Variants in KLHDC10 observed in about 807,000 individuals in gnomAD.
KLHDC10 encodes kelch domain containing 10, also known as kelch domain-containing protein 10.
Under a neutral mutation model 56.1 loss-of-function variants are expected in KLHDC10, and 24 were observed. The observed-to-expected ratio is 0.43, with a 90% CI of 0.31 to 0.60. The LOEUF (loss-of-function observed/expected upper bound fraction) is 0.60. KLHDC10 is among the 20% of genes least tolerant of loss of function. KLHDC10 has a pLI of 0.11. For missense variants in KLHDC10, 349 were observed against 567.0 expected (o/e 0.62, Z 3.91); for synonymous variants, 188 against 207.1 (o/e 0.91, Z 0.79).
rs973275239 is a variant in KLHDC10 at position 130,116,970 on chromosome 7, C to A, written c.475+304C>A. 6.6e-6 allele frequency among the ~76,000 whole-genome samples: 1 copy of A among 152,102 alleles called. No homozygotes were observed. Among genetic ancestry groups the A allele is most frequent in the African/African-American group, 2.4e-5 (1 of 41,418 alleles). Reference sequence around the variant, plus strand: ...GAAGGTCAACAAATGGGGCTTATGACGATGACAGTTAATAGCTGTTGAGCA... The same window carrying A: ...GAAGGTCAACAAATGGGGCTTATGAAGATGACAGTTAATAGCTGTTGAGCA... On this transcript the variant is annotated intron_variant, in intron 3 of 9. Transcript: ENST00000335420. The surrounding 1 kb of genome is among the most constrained non-coding windows in gnomAD (Gnocchi z 4.8).
chr7:130,123,293 C>A (rs1162123751), intron 5 of KLHDC10, among the ~76,000 whole-genome samples: 2 of 151,968 alleles, frequency 1.3e-5, no homozygotes, highest in Non-Finnish European at 2.9e-5. Context: ...ATGGTGAAAC[C>A]CTGTCTCTGC....
Position 130,134,929 on chromosome 7 carries a change from G to A in KLHDC10, c.*4183G>A, listed in dbSNP as rs1563109691. 1 of 152,066 alleles carries A rather than the reference G, an allele frequency of 6.6e-6. No individual in the cohort carries two copies. The highest frequency in any genetic ancestry group is 2.4e-5 in the African/African-American group (1 of 41,404). The allele number at this position is 152,066 out of a possible 1,614,324, so 9.4% of individuals were successfully genotyped here. A position where few individuals can be genotyped will look rare whatever the true frequency, so the allele number is the denominator to read the frequency against. On this transcript the variant is annotated 3_prime_UTR_variant, in exon 10 of 10. Transcript: ENST00000335420. ...TCATAGAGTTCTAGGACTTCCGTGTGCGTTGCCACCAGATCCTGCCCAGCA... is the reference window on the plus strand; with the variant it reads ...TCATAGAGTTCTAGGACTTCCGTGTACGTTGCCACCAGATCCTGCCCAGCA...
chr7:130,132,055 GTTTGA>G lies in KLHDC10; in HGVS notation c.*1314_*1318del, dbSNP rs1481237440. 1 of 151,008 alleles carries G rather than the reference GTTTGA, an allele frequency of 6.6e-6. No homozygotes were observed. The highest frequency in any genetic ancestry group is 1.9e-4 in the East Asian group (1 of 5,180). 9.4% of individuals were successfully genotyped at this position (151,008 alleles called of 1,614,324 possible). A position where few individuals can be genotyped will look rare whatever the true frequency, so the allele number is the denominator to read the frequency against. The stretch of plus-strand genomic sequence containing the variant: ...GTGTGTGAAATTTTAGTTCTGGTTT[GTTTGA>G]TTTGTTTTTTTTTTAATTCTAAAAA... On this transcript the variant is annotated 3_prime_UTR_variant, in exon 10 of 10. Transcript: ENST00000335420.
chr7:130,110,759 T>A (rs530401800), intron 2 of KLHDC10, among the ~76,000 whole-genome samples: 1 of 152,310 alleles, frequency 6.6e-6, no homozygotes, highest in East Asian at 1.9e-4. Context: ...GTTCGATATT[T>A]ATAACTAATG....
intron 2 of KLHDC10, among the ~76,000 whole-genome samples, chr7:130,101,014 A>C (rs1046366668): frequency 1.4e-5 from 2 of 144,456 alleles, no homozygotes; most frequent in Non-Finnish European, 3.2e-5. Context: ...AAAAAAACAA[A>C]AAAAACAGAA....
In KLHDC10 at chr7:130,130,161, CA is replaced by C. The variant is rs1047182450; in HGVS notation, c.1120-367del. 4.0e-5 allele frequency among the ~76,000 whole-genome samples: 6 copies of C among 150,388 alleles called. No homozygotes were observed. Among genetic ancestry groups the C allele is most frequent in the Admixed American group, 6.6e-5 (1 of 15,098 alleles). On this transcript the variant is annotated intron_variant, in intron 9 of 9. Coordinates refer to ENST00000335420, the MANE Select transcript of KLHDC10 (RefSeq NM_014997.4). The surrounding 1 kb of genome is among the most constrained non-coding windows in gnomAD (Gnocchi z 4.2). ...TGAAACCCCATCTCTACTAAAAATA[CA>C]AAAAAAAATTAGCCGGACGTGGTGG...
chr7:130,104,843 A>G (rs1374546989), intron 2 of KLHDC10, among the ~76,000 whole-genome samples: 1 of 152,214 alleles, frequency 6.6e-6, no homozygotes, highest in African/African-American at 2.4e-5. Flanking sequence ...TAAAGCATTC[A>G]TGAGAACTTC....
chr7:130,112,764 G>A lies in KLHDC10; in HGVS notation c.254-3681G>A, dbSNP rs1408721086. Among the ~76,000 whole-genome samples the A allele has an allele frequency of 3.9e-5, 6 of 152,188 alleles. No individual in the cohort carries two copies. In the East Asian group the frequency reaches 7.7e-4, roughly 20 times the overall value. On this transcript the variant is annotated intron_variant, in intron 2 of 9. Transcript: ENST00000335420. ...GAGAAAGAAATCTGTAGTTACTGGC[G>A]AGAGAGAAAGAGGAGTTGCATTTTT...
chr7:130,095,972 A>G (rs996334817), intron 1 of KLHDC10, among the ~76,000 whole-genome samples: 5 of 152,176 alleles, frequency 3.3e-5, no homozygotes, highest in Non-Finnish European at 7.4e-5. Context: ...ATTTGTTTAC[A>G]CATCTGCCTT....
At chr7:130,092,973 C>G (rs956351972) in intron 1 of KLHDC10, among the ~76,000 whole-genome samples, 1 of 150,800 alleles carries the variant, frequency 6.6e-6, no homozygotes, top group Admixed American at 6.6e-5. Flanking sequence ...TATTAGTCCA[C>G]TAAGGGCATT....
intron 7 of KLHDC10, 109 bp from the exon 8 acceptor site, chr7:130,127,295 C>G: frequency 2.3e-6 from 2 of 867,398 alleles, no homozygotes; most frequent in Admixed American, 3.9e-5. Flanking sequence ...TAACATGTAA[C>G]AAAGGGATTG....
intron 8 of KLHDC10, 57 bp downstream of exon 8, chr7:130,127,508 G>A: frequency 7.9e-7 from 1 of 1,261,010 alleles, no homozygotes; most frequent in Non-Finnish European, 1.2e-6. Flanking sequence ...TTCTGAAAAT[G>A]TCTTATTTCC....
intron 1 of KLHDC10, among the ~76,000 whole-genome samples, chr7:130,076,610 A>C (rs1795507602): frequency 6.6e-6 from 1 of 152,158 alleles, no homozygotes; most frequent in Non-Finnish European, 1.5e-5. Context: ...AGTTAAATGC[A>C]CTTACCCACA....
intron 2 of KLHDC10, among the ~76,000 whole-genome samples, chr7:130,102,927 CAGTT>C (rs991057770): frequency 1.6e-4 from 24 of 152,166 alleles, no homozygotes; most frequent in African/African-American, 4.3e-4. Flanking sequence ...AATTAAAACT[CAGTT>C]GGAGGGTTAA....
intron 8 of KLHDC10, among the ~76,000 whole-genome samples, chr7:130,128,193 CAT>C (rs1473522180): frequency 2.0e-5 from 3 of 152,234 alleles, no homozygotes; most frequent in African/African-American, 7.2e-5. Flanking sequence ...TAGATAATGA[CAT>C]TGCTCACATT....
intron 1 of KLHDC10, among the ~76,000 whole-genome samples, chr7:130,075,536 G>C (rs1018807745): frequency 1.3e-5 from 2 of 152,138 alleles, no homozygotes; most frequent in Non-Finnish European, 2.9e-5. Context: ...GGACGGGAGG[G>C]ACTTTGTGGA....
intron 1 of KLHDC10, among the ~76,000 whole-genome samples, chr7:130,095,136 C>G (rs889631729): frequency 6.6e-6 from 1 of 151,934 alleles, no homozygotes; most frequent in African/African-American, 2.4e-5. Flanking sequence ...CTGGAGTCAT[C>G]TCAACACATA....
chr7:130,117,912 C>G (rs968220934), intron 3 of KLHDC10, among the ~76,000 whole-genome samples: 65 of 150,180 alleles, frequency 4.3e-4, no homozygotes, highest in African/African-American at 1.4e-3. Flanking sequence ...CACCTGTAAT[C>G]CCAGCACTTT....
At chr7:130,109,886 G>A (rs745914324) in intron 2 of KLHDC10, among the ~76,000 whole-genome samples, 1 of 152,130 alleles carries the variant, frequency 6.6e-6, no homozygotes, top group Non-Finnish European at 1.5e-5. Context: ...CAATCTGCCC[G>A]CCTCAGCCTC....
Sources: gnomAD v4.1 joint callset for allele counts (sites outside exome capture counted in the v4.1 genomes callset) on GRCh38, gnomAD v4.1.1 for gene constraint, Gnocchi (gnomAD v3.1) non-coding constraint, MANE v1.5 for transcripts, NCBI Gene and HGNC (gene_info 2026-07-23, HGNC 2026-07-21) for gene names.